The following TMEM255B variants were observed in gnomAD, a reference collection of about 807,000 sequenced individuals.
TMEM255B encodes the protein family with sequence similarity 70, member B.
Under a neutral mutation model 34.5 loss-of-function variants are expected in TMEM255B, and 35 were observed. That is an observed-to-expected ratio of 1.01 (90% CI 0.77 to 1.34). TMEM255B has a LOEUF of 1.34. Among genes scored for constraint, TMEM255B ranks in the 40% most tolerant of loss-of-function variants. The pLI is 0.00. For synonymous variants in TMEM255B, 206 were observed against 201.2 expected (o/e 1.02, Z -0.20); for missense variants, 432 against 433.2 (o/e 1.00, Z 0.02).
At chr13:113,773,734 G>A (rs1376845649) in intron 3 of TMEM255B, among the ~76,000 whole-genome samples, 1 of 152,212 alleles carries the variant, frequency 6.6e-6, no homozygotes, top group Non-Finnish European at 1.5e-5. Context: ...TGAGTGCTGC[G>A]TGATCGTAGG....
rs1566342068 is a variant in TMEM255B at position 113,812,948 on chromosome 13, CCGGG to C, written c.*1046_*1049del. On this transcript the variant is annotated 3_prime_UTR_variant, in exon 9 of 9. Transcript: ENST00000375353. ...ACGGGTCCCGGGTGGGTCACGGGTCCCGGGTGGGTCACGGGCCCCGGGTGGGTCA... is the reference window on the plus strand; with the variant it reads ...ACGGGTCCCGGGTGGGTCACGGGTCCTGGGTCACGGGCCCCGGGTGGGTCA... 90 of 140,680 alleles carry C rather than the reference CCGGG, an allele frequency of 6.4e-4. 7 individuals carry two copies. The highest frequency in any genetic ancestry group is 3.7e-3 in the Middle Eastern group (1 of 268). 8.7% of individuals were successfully genotyped at this position (140,680 alleles called of 1,614,324 possible). A position where few individuals can be genotyped will look rare whatever the true frequency, so the allele number is the denominator to read the frequency against.
At chr13:113,807,746 G>A (rs1450299596) in intron 8 of TMEM255B, among the ~76,000 whole-genome samples, 3 of 136,836 alleles carry the variant, frequency 2.2e-5, no homozygotes, top group Non-Finnish European at 3.1e-5. Flanking sequence ...TGGGATGTGG[G>A]GGGTAGTCCT....
At chr13:113,810,094 C>T (rs1220934261) in intron 8 of TMEM255B, among the ~76,000 whole-genome samples, 3 of 152,158 alleles carry the variant, frequency 2.0e-5, no homozygotes, top group Non-Finnish European at 4.4e-5. Context: ...TGCTAGCTCC[C>T]AGGGCGTCTG....
rs369330754 is a variant in TMEM255B, at chr13:113,815,259, C to T, written c.*3356C>T. The T allele has an allele frequency of 3.3e-5, 5 of 150,892 alleles. No homozygotes were observed. Among genetic ancestry groups the T allele is most frequent in the East Asian group, 2.0e-4 (1 of 5,064 alleles). 9.3% of individuals were successfully genotyped at this position (150,892 alleles called of 1,614,324 possible). On this transcript the variant is annotated 3_prime_UTR_variant, in exon 9 of 9. Transcript: ENST00000375353. ...CAAAGAGAGGAAGGGACATGGGTGA[C>T]GGTCCGTCCACGTGGGGTCACCGGC... is the stretch of plus-strand genomic sequence containing the variant.
At position 113,809,204 on chromosome 13, in the gene TMEM255B, G is replaced by T. The variant is rs1345089827; in HGVS notation, c.814-2532G>T. On this transcript the variant is annotated intron_variant, in intron 8 of 8. Transcript: ENST00000375353. ...TGGATGTTTACTCCATGGTCCTGGG[G>T]GTTTACTCCATGGTTCTTGGGGATT... 4.9e-5 allele frequency among the ~76,000 whole-genome samples: 7 copies of T among 143,828 alleles called. No homozygotes were observed. In the South Asian group the frequency reaches 6.8e-4, roughly 14 times the overall value. 94.4% of individuals were successfully genotyped at this position (143,828 alleles called of 152,430 possible).
chr13:113,785,799 G>A (rs1360924263), intron 3 of TMEM255B, among the ~76,000 whole-genome samples: 1 of 152,160 alleles, frequency 6.6e-6, no homozygotes, highest in Non-Finnish European at 1.5e-5. Flanking sequence ...GTTGCCCTCA[G>A]GGGCTCAGGA....
chr13:113,764,839 T>A (rs1473609555), intron 1 of TMEM255B, among the ~76,000 whole-genome samples: 1 of 152,000 alleles, frequency 6.6e-6, no homozygotes, highest in East Asian at 1.9e-4. Context: ...AGACAGCAGG[T>A]ACAAAGGCCC....
chr13:113,786,428 G>C (rs936291598), intron 3 of TMEM255B, among the ~76,000 whole-genome samples: 2 of 150,728 alleles, frequency 1.3e-5, no homozygotes, highest in African/African-American at 4.9e-5. Context: ...CATCACCCTC[G>C]TCACCATCAT....
intron 3 of TMEM255B, among the ~76,000 whole-genome samples, chr13:113,791,743 C>A (rs9550255): frequency 0.41 from 62,916 of 152,120 alleles, 14,320 homozygotes; most frequent in East Asian, 0.72. Context: ...AAGTGATTTT[C>A]TTCATCTTTA....
At chr13:113,784,422 C>G (rs1462841355) in intron 3 of TMEM255B, among the ~76,000 whole-genome samples, 1 of 152,052 alleles carries the variant, frequency 6.6e-6, no homozygotes, top group South Asian at 2.1e-4. Context: ...GCAGATCTTA[C>G]CAGTCAGCTG....
rs1566341472 is a variant in TMEM255B, at chr13:113,812,878, G to GGGTGGGTC, written c.*975_*976insGGTGGGTC. The GGGTGGGTC allele has an allele frequency of 6.3e-6, 1 of 159,248 alleles. No individual in the cohort carries two copies. Among genetic ancestry groups the GGGTGGGTC allele is most frequent in the African/African-American group, 2.9e-5 (1 of 34,108 alleles). The allele number at this position is 159,248 out of a possible 1,614,324, so 9.9% of individuals were successfully genotyped here. On this transcript the variant is annotated 3_prime_UTR_variant, in exon 9 of 9. Coordinates refer to ENST00000375353, the MANE Select transcript of TMEM255B (RefSeq NM_182614.4). ...GCATCCCGGGTGGGTCACAGGTCCC[G>GGGTGGGTC]AGTGGGTCACAGGCCCCGGGTGAGT...
chr13:113,811,318 G>A, intron 8 of TMEM255B, among the ~76,000 whole-genome samples: 1 of 137,968 alleles, frequency 7.2e-6, no homozygotes, highest in South Asian at 2.5e-4. Flanking sequence ...CCTGTGGGGG[G>A]GCCGGTGAGA....
At position 113,774,979 on chromosome 13, in the gene TMEM255B, TCACACACAC is replaced by T. The variant is rs537644403; in HGVS notation, c.252+5827_252+5835del. On this transcript the variant is annotated intron_variant, in intron 3 of 8. Coordinates refer to ENST00000375353, the MANE Select transcript of TMEM255B (RefSeq NM_182614.4). ...CACGACACACACCACACAATGCACA[TCACACACAC>T]CACACACCACACACTCCACACAATA... Among the ~76,000 whole-genome samples the T allele has an allele frequency of 2.7e-3, 237 of 88,066 alleles. 1 individual carries two copies. Among genetic ancestry groups the T allele is most frequent in the African/African-American group, 9.8e-3 (223 of 22,850 alleles). The allele number at this position is 88,066 out of a possible 152,430, so 57.8% of individuals were successfully genotyped here. A position where few individuals can be genotyped will look rare whatever the true frequency, so the allele number is the denominator to read the frequency against.
intron 3 of TMEM255B, among the ~76,000 whole-genome samples, chr13:113,783,881 C>T (rs2050701488): frequency 6.6e-6 from 1 of 151,992 alleles, no homozygotes; most frequent in Non-Finnish European, 1.5e-5. Flanking sequence ...AAGGGAAGAC[C>T]TGGGGAGGGT....
At chr13:113,759,532 C>G (rs1339729113) in intron 1 of TMEM255B, among the ~76,000 whole-genome samples, 1 of 148,178 alleles carries the variant, frequency 6.7e-6, no homozygotes, top group African/African-American at 2.6e-5. Context: ...TTCATTCTCT[C>G]TCCCTGTCTC....
At position 113,769,201 on chromosome 13, in the gene TMEM255B, A is replaced by G. The variant is rs772055509; in HGVS notation, c.252+41A>G. Reference sequence around the variant, plus strand: ...GGGTGGTGGGGAGCATGAGTCCCTCATCAGGGGATGGTACAGCTGCACTGG... The same window carrying G: ...GGGTGGTGGGGAGCATGAGTCCCTCGTCAGGGGATGGTACAGCTGCACTGG... On this transcript the variant is annotated intron_variant, in intron 3 of 8. Coordinates refer to ENST00000375353, the MANE Select transcript of TMEM255B (RefSeq NM_182614.4). This position sits in a 1 kb window ranked among gnomAD's most constrained non-coding sequence, Gnocchi z 4.2. 1 of 1,605,408 alleles carries G rather than the reference A, an allele frequency of 6.2e-7. No homozygotes were observed. Among genetic ancestry groups the G allele is most frequent in the Non-Finnish European group, 8.5e-7 (1 of 1,172,208 alleles).
At chr13:113,782,844 C>G (rs897515295) in intron 3 of TMEM255B, among the ~76,000 whole-genome samples, 1 of 152,154 alleles carries the variant, frequency 6.6e-6, no homozygotes, top group African/African-American at 2.4e-5. Flanking sequence ...GAAACAGACT[C>G]CCAGAGGTGG....
chr13:113,791,619 T>A (rs1392598611), intron 3 of TMEM255B, among the ~76,000 whole-genome samples: 1 of 152,148 alleles, frequency 6.6e-6, no homozygotes, highest in Non-Finnish European at 1.5e-5. Flanking sequence ...GAGCGAAAGA[T>A]GTTTAGAGCC....
chr13:113,804,368 G>A (rs2138579169), intron 7 of TMEM255B, among the ~76,000 whole-genome samples: 1 of 152,322 alleles, frequency 6.6e-6, no homozygotes, highest in South Asian at 2.1e-4. Flanking sequence ...GGTGCTGAGA[G>A]GGCCCTCCCC....
Sources: gnomAD v4.1 joint callset for allele counts (sites outside exome capture counted in the v4.1 genomes callset) on GRCh38, gnomAD v4.1.1 for gene constraint, Gnocchi (gnomAD v3.1) non-coding constraint, MANE v1.5 for transcripts, NCBI Gene and HGNC (gene_info 2026-07-23, HGNC 2026-07-21) for gene names.